Variants in CYRIB observed in about 807,000 individuals in gnomAD.
CYRIB encodes CYFIP related Rac1 interactor B, also known as CYFIP-related Rac1 interactor B.
Under a neutral mutation model 44.2 loss-of-function variants are expected in CYRIB, and 8 were observed. The ratio of observed to expected loss-of-function variants is 0.18; its 90% CI spans 0.11 to 0.33. The LOEUF is 0.33. Ranked by LOEUF, CYRIB falls within the 10% of genes least tolerant of loss-of-function variation. CYRIB has a pLI of 1.00. For missense variants in CYRIB, 185 were observed against 382.8 expected (o/e 0.48, Z 4.31); for synonymous variants, 131 against 127.2 (o/e 1.03, Z -0.20).
intron 1 of CYRIB, among the ~76,000 whole-genome samples, chr8:129,983,011 A>G (rs2096298278): frequency 1.3e-5 from 1 of 79,584 alleles, no homozygotes; most frequent in South Asian, 3.5e-4. Context: ...AGAGCTGTTA[A>G]AAAAAAAAAA....
At chr8:129,973,524 C>T (rs1052002037) in intron 1 of CYRIB, among the ~76,000 whole-genome samples, 1 of 152,224 alleles carries the variant, frequency 6.6e-6, no homozygotes, top group Non-Finnish European at 1.5e-5. Context: ...CCTCTCCTTC[C>T]CTGACAGCCT....
At chr8:129,971,808 G>A (rs887996282) in intron 1 of CYRIB, among the ~76,000 whole-genome samples, 4 of 152,222 alleles carry the variant, frequency 2.6e-5, no homozygotes, top group Non-Finnish European at 5.9e-5. Flanking sequence ...GGTACATTAC[G>A]CCAGCCTTGT....
intron 1 of CYRIB, among the ~76,000 whole-genome samples, chr8:129,990,488 G>A (rs2096603100): frequency 7.5e-6 from 1 of 133,828 alleles, no homozygotes; most frequent in Non-Finnish European, 1.6e-5. Context: ...ATGCATGTGT[G>A]TGTGTATGCG....
rs972636176 is a variant in CYRIB, at chr8:130,014,306, C to G, written c.-296+2064G>C. Among the ~76,000 whole-genome samples, 3 of 152,146 alleles carry G rather than the reference C, an allele frequency of 2.0e-5. 1 individual carries two copies. On this transcript the variant is annotated intron_variant, in intron 1 of 14. Coordinates refer to the CYRIB transcript ENST00000401979. ...TTAGTTGGGCATGGTGGTGCACACC[C>G]GTGGTCCCAGCTACTTGGGAGGCTG...
chr8:129,968,547 T>C (rs2095572758), intron 2 of CYRIB, among the ~76,000 whole-genome samples: 1 of 152,204 alleles, frequency 6.6e-6, no homozygotes, highest in African/African-American at 2.4e-5. Context: ...GAACTCGTCT[T>C]CAGAGGTCAT....
intron 11 of CYRIB, among the ~76,000 whole-genome samples, chr8:129,844,867 T>C (rs897234949): frequency 2.0e-5 from 3 of 152,242 alleles, no homozygotes; most frequent in African/African-American, 7.2e-5. Context: ...TAAGAAATAT[T>C]TTTCAAAGTA....
chr8:129,853,330 T>C (rs919712948), intron 7 of CYRIB, among the ~76,000 whole-genome samples: 1 of 152,200 alleles, frequency 6.6e-6, no homozygotes, highest in Non-Finnish European at 1.5e-5. Context: ...GGAACTGGTC[T>C]ATGCAAAAAT....
rs574134965 is a variant in CYRIB, at chr8:129,888,403, T to C, written c.-10-8932A>G. ...TCTCAGGTAGTTCTTCATAGCAATGTGAGAACAGACTAAAACAGAGGTCCC... is the reference window on the plus strand; with the variant it reads ...TCTCAGGTAGTTCTTCATAGCAATGCGAGAACAGACTAAAACAGAGGTCCC... On this transcript the variant is annotated intron_variant, in intron 2 of 11. Transcript: ENST00000519824. Among the ~76,000 whole-genome samples, 3 of 152,336 alleles carry C rather than the reference T, an allele frequency of 2.0e-5. No individual in the cohort carries two copies. In the South Asian group the frequency reaches 6.2e-4, roughly 32 times the overall value.
At chr8:129,937,945 A>G (rs898135446) in intron 1 of CYRIB, among the ~76,000 whole-genome samples, 2 of 151,992 alleles carry the variant, frequency 1.3e-5, no homozygotes, top group Admixed American at 1.3e-4. Context: ...GTTATCCAAA[A>G]CCTAAGCGGG....
At chr8:129,889,708 G>C (rs1472002613) in intron 2 of CYRIB, among the ~76,000 whole-genome samples, 2 of 152,176 alleles carry the variant, frequency 1.3e-5, no homozygotes, top group Non-Finnish European at 2.9e-5. Flanking sequence ...GGGCCTTTAA[G>C]ATGTGACTGA....
chr8:129,939,381 AG>A (rs1244474236), intron 1 of CYRIB, among the ~76,000 whole-genome samples: 4 of 150,436 alleles, frequency 2.7e-5, no homozygotes, highest in African/African-American at 9.8e-5. Context: ...GAAGAAAGGA[AG>A]ACCCGAATGA....
intron 2 of CYRIB, among the ~76,000 whole-genome samples, chr8:129,895,309 T>C (rs2067484039): frequency 6.6e-6 from 1 of 151,724 alleles, no homozygotes; most frequent in Non-Finnish European, 1.5e-5. Context: ...CTGGCAGCTT[T>C]AGAAATTCTG....
intron 1 of CYRIB, among the ~76,000 whole-genome samples, chr8:129,997,729 C>T (rs1228555100): frequency 6.6e-6 from 1 of 152,188 alleles, no homozygotes; most frequent in South Asian, 2.1e-4. Context: ...GTCACATAGC[C>T]TGTCAAGACT....
intron 4 of CYRIB, 59 bp downstream of exon 6, chr8:129,871,316 T>C: frequency 1.3e-6 from 2 of 1,544,940 alleles, no homozygotes; most frequent in Non-Finnish European, 8.7e-7. Context: ...AAACAAGAGA[T>C]TACAAAGAGG....
intron 1 of CYRIB, among the ~76,000 whole-genome samples, chr8:129,992,567 G>C (rs555679659): frequency 6.6e-6 from 1 of 152,298 alleles, no homozygotes; most frequent in South Asian, 2.1e-4. Flanking sequence ...AGGACGCACA[G>C]ACCTTGTTTT....
intron 1 of CYRIB, among the ~76,000 whole-genome samples, chr8:129,977,629 T>A (rs1437779147): frequency 6.6e-6 from 1 of 152,072 alleles, no homozygotes; most frequent in Non-Finnish European, 1.5e-5. Context: ...CCTCCCAGGT[T>A]CACGCCATTC....
intron 1 of CYRIB, among the ~76,000 whole-genome samples, chr8:129,987,919 G>A (rs530229783): frequency 6.6e-6 from 1 of 152,294 alleles, no homozygotes; most frequent in South Asian, 2.1e-4. Flanking sequence ...ACGGCCTACA[G>A]ACTGGGACGC....
At chr8:129,889,701 C>G (rs937541917) in intron 2 of CYRIB, among the ~76,000 whole-genome samples, 17 of 152,004 alleles carry the variant, frequency 1.1e-4, no homozygotes, top group African/African-American at 4.1e-4. Flanking sequence ...CTTAGAAGGG[C>G]CTTTAAGATG....
intron 1 of CYRIB, among the ~76,000 whole-genome samples, chr8:129,922,067 C>G (rs1203491209): frequency 2.0e-5 from 3 of 152,154 alleles, no homozygotes; most frequent in Non-Finnish European, 2.9e-5. Context: ...AGTAAGAGAC[C>G]AGTGGCCACA....
Sources: allele counts gnomAD v4.1 joint callset (sites outside exome capture counted in the v4.1 genomes callset), GRCh38; gene constraint gnomAD v4.1.1; transcripts MANE v1.5; gene names NCBI Gene and HGNC (gene_info 2026-07-23, HGNC 2026-07-21).